STXBP5L: variants seen among roughly 807,000 people sequenced by gnomAD.
STXBP5L encodes the protein syntaxin binding protein 5L, also known as syntaxin-binding protein 5-like.
Under a neutral mutation model 144.5 loss-of-function variants are expected in STXBP5L, and 65 were observed. The ratio of observed to expected loss-of-function variants is 0.45; its 90% CI spans 0.37 to 0.55. The LOEUF (loss-of-function observed/expected upper bound fraction) is 0.55, where lower values mean the gene tolerates loss of function less well. Ranked by LOEUF, STXBP5L falls within the 20% of genes least tolerant of loss-of-function variation. The pLI is 0.00. For missense variants in STXBP5L, 1,298 were observed against 1,405.5 expected (o/e 0.92, Z 1.22); for synonymous variants, 505 against 469.6 (o/e 1.08, Z -0.97).
At chr3:121,228,106 T>C (rs2049179597) in intron 11 of STXBP5L, among the ~76,000 whole-genome samples, 1 of 152,162 alleles carries the variant, frequency 6.6e-6, no homozygotes, top group African/African-American at 2.4e-5. Context: ...TGCTAAATAA[T>C]AGTTACTTAT....
At position 121,089,781 on chromosome 3, in the gene STXBP5L, T is replaced by G. The variant is rs543257600; in HGVS notation, c.471-25144T>G. Among the ~76,000 whole-genome samples the G allele has an allele frequency of 9.9e-5, 15 of 152,144 alleles. No homozygotes were observed. The Middle Eastern group carries it at 0.017, about 172-fold the overall frequency. ...GGTATTTTTTTACTTATATTATTTG[T>G]TTTTTCAGATTGGTGAATAAATATT... On this transcript the variant is annotated intron_variant, in intron 5 of 26. Transcript: ENST00000471454.
At chr3:121,397,757 A>T (rs1040256620) in intron 22 of STXBP5L, among the ~76,000 whole-genome samples, 1 of 152,218 alleles carries the variant, frequency 6.6e-6, no homozygotes, top group African/African-American at 2.4e-5. Flanking sequence ...ATAAATTTAT[A>T]GGTACAGAAA....
At chr3:120,940,756 G>A (rs777883449) in intron 2 of STXBP5L, among the ~76,000 whole-genome samples, 6 of 151,670 alleles carry the variant, frequency 4.0e-5, no homozygotes, top group Admixed American at 6.6e-5. Flanking sequence ...ATCCTTTAGG[G>A]GTTATGCCCA....
At chr3:121,014,138 T>C (rs530660943) in intron 3 of STXBP5L, among the ~76,000 whole-genome samples, 1 of 152,206 alleles carries the variant, frequency 6.6e-6, no homozygotes, top group East Asian at 1.9e-4. Context: ...TGGTTCCATG[T>C]GAATTTTAGA....
At chr3:121,188,494 C>G (rs1381171541) in intron 9 of STXBP5L, among the ~76,000 whole-genome samples, 1 of 76,086 alleles carries the variant, frequency 1.3e-5, no homozygotes, top group Non-Finnish European at 2.7e-5. Flanking sequence ...CTGGTAGAGA[C>G]ACAGCAAAAA....
intron 18 of STXBP5L, among the ~76,000 whole-genome samples, chr3:121,275,436 TAATG>T (rs1479592989): frequency 6.6e-6 from 1 of 152,296 alleles, no homozygotes; most frequent in Admixed American, 6.5e-5. Context: ...TTATAATTTT[TAATG>T]TACAGATTTT....
At chr3:121,408,709 A>G (rs1181920977) in intron 23 of STXBP5L, among the ~76,000 whole-genome samples, 1 of 151,924 alleles carries the variant, frequency 6.6e-6, no homozygotes, top group East Asian at 1.9e-4. Flanking sequence ...CAGGTAATTA[A>G]CCTTCTCTAG....
At chr3:121,256,690 T>G (rs566255091) in intron 16 of STXBP5L, among the ~76,000 whole-genome samples, 2 of 151,984 alleles carry the variant, frequency 1.3e-5, no homozygotes, top group Admixed American at 6.5e-5. Context: ...AAGTAATTTT[T>G]TCATACACAC....
At chr3:121,310,753 A>G (rs970420898) in intron 19 of STXBP5L, among the ~76,000 whole-genome samples, 3 of 149,588 alleles carry the variant, frequency 2.0e-5, no homozygotes, top group African/African-American at 7.4e-5. Flanking sequence ...TACTAAAAAT[A>G]CCAAAATTAG....
intron 7 of STXBP5L, among the ~76,000 whole-genome samples, chr3:121,135,830 A>C (rs1344517030): frequency 1.3e-5 from 2 of 152,082 alleles, no homozygotes; most frequent in African/African-American, 4.8e-5. Context: ...AAAATCCACA[A>C]CACCATCCAA....
At chr3:121,334,034 C>T (rs1192984853) in intron 20 of STXBP5L, among the ~76,000 whole-genome samples, 1 of 152,058 alleles carries the variant, frequency 6.6e-6, no homozygotes, top group Admixed American at 6.6e-5. Context: ...GGAGCAGTCT[C>T]ATGAGATCTG....
chr3:121,091,053 T>G (rs1414706028), intron 5 of STXBP5L, among the ~76,000 whole-genome samples: 2 of 150,902 alleles, frequency 1.3e-5, no homozygotes, highest in Non-Finnish European at 2.9e-5. Context: ...CTTGTGATAG[T>G]TTACTGAGAA....
intron 7 of STXBP5L, among the ~76,000 whole-genome samples, chr3:121,133,764 A>C (rs528824105): frequency 6.6e-6 from 1 of 152,334 alleles, no homozygotes; most frequent in Non-Finnish European, 1.5e-5. Flanking sequence ...ACAGTTCTGC[A>C]TGGCTGGGGA....
chr3:121,246,647 C>G (rs2049862039), intron 14 of STXBP5L, among the ~76,000 whole-genome samples: 1 of 152,066 alleles, frequency 6.6e-6, no homozygotes, highest in Non-Finnish European at 1.5e-5. Flanking sequence ...TCATTCATAG[C>G]ATCTTTATTT....
At chr3:121,282,446 T>C in intron 19 of STXBP5L, 1 of 985,504 alleles carries the variant, frequency 1.0e-6, no homozygotes, top group Non-Finnish European at 1.5e-6. Context: ...TCAGCATGCA[T>C]GCAAATTTTT....
intron 9 of STXBP5L, among the ~76,000 whole-genome samples, chr3:121,204,926 A>G (rs1284339075): frequency 6.6e-6 from 1 of 152,188 alleles, no homozygotes; most frequent in East Asian, 1.9e-4. Flanking sequence ...CCCTATAAGA[A>G]ATTATCATTT....
In STXBP5L at chr3:120,955,300, CA is replaced by C. The variant is rs573942189; in HGVS notation, c.287+265del. ...CTTATCCATCTGCCTAGAAGTTTATCAATTGTATTGATTCTCATGATTCTCA... is the reference window on the plus strand; with the variant it reads ...CTTATCCATCTGCCTAGAAGTTTATCATTGTATTGATTCTCATGATTCTCA... On this transcript the variant is annotated intron_variant, in intron 3 of 26. Transcript: ENST00000471454. Among the ~76,000 whole-genome samples, 422 of 151,966 alleles carry C rather than the reference CA, an allele frequency of 2.8e-3. 5 individuals carry two copies. The highest frequency in any genetic ancestry group is 9.8e-3 in the African/African-American group (405 of 41,498).
At chr3:121,193,579 C>T (rs945883034) in intron 9 of STXBP5L, among the ~76,000 whole-genome samples, 2 of 152,182 alleles carry the variant, frequency 1.3e-5, no homozygotes, top group Non-Finnish European at 2.9e-5. Flanking sequence ...ACCCAAATGT[C>T]CATCAATGAT....
intron 5 of STXBP5L, among the ~76,000 whole-genome samples, chr3:121,058,348 G>A (rs953133140): frequency 6.6e-6 from 1 of 152,188 alleles, no homozygotes; most frequent in Non-Finnish European, 1.5e-5. Flanking sequence ...GTGTACATGT[G>A]CCACATTTAC....
Sources: allele counts gnomAD v4.1 joint callset (sites outside exome capture counted in the v4.1 genomes callset), GRCh38; gene constraint gnomAD v4.1.1; transcripts MANE v1.5; gene names NCBI Gene and HGNC (gene_info 2026-07-23, HGNC 2026-07-21).